The following PTH2R variants were observed in gnomAD, a reference collection of about 807,000 sequenced individuals.
PTH2R encodes the protein parathyroid hormone 2 receptor.
In PTH2R, 59 loss-of-function variants were observed where a neutral mutation model predicts 60.3. That is an observed-to-expected ratio of 0.98 (90% confidence interval 0.79 to 1.22). The LOEUF is 1.22. Ranked by LOEUF, PTH2R falls within the 50% of genes most tolerant of loss-of-function variation. The probability of loss-of-function intolerance (pLI) is 0.00; values close to 1 mark genes in which losing one functional copy is unlikely to be tolerated. For missense variants in PTH2R, 749 were observed against 682.6 expected (o/e 1.10, Z -1.08); for synonymous variants, 256 against 243.8 (o/e 1.05, Z -0.47).
chr2:208,489,053 G>T lies in PTH2R; in HGVS notation c.1118G>T (p.Gly373Val). The T allele has an allele frequency of 6.8e-6, 11 of 1,614,048 alleles. No homozygotes were observed. The highest frequency in any genetic ancestry group is 8.5e-6 in the Non-Finnish European group (10 of 1,179,996). Residue 373 changes from glycine (G) to valine (V), a missense_variant, in exon 11 of 13, where the codon GGA becomes GTA. Gly to Val is a moderately radical substitution (Grantham distance 109, BLOSUM62 -3). Coordinates refer to ENST00000272847, the MANE Select transcript of PTH2R (RefSeq NM_005048.4). The part of the protein sequence containing the change: ...KSTLVLVLVF[G>V]VHYIVFVCLP... The stretch of plus-strand genomic sequence containing the variant: ...ACACTGGTCCTGGTCCTAGTCTTTG[G>T]AGTGCATTACATCGTGTTCGTATGC...
rs749565801 is a variant in PTH2R, at chr2:208,489,060, T to G, written c.1125T>G (p.His375Gln). The stretch of plus-strand genomic sequence containing the variant: ...TCCTGGTCCTAGTCTTTGGAGTGCA[T>G]TACATCGTGTTCGTATGCCTGCCTC... ...TLVLVLVFGV[H>Q]YIVFVCLPHS... Residue 375 changes from histidine to glutamine, a missense_variant, in exon 11 of 13, where the codon CAT becomes CAG. Transcript: ENST00000272847. 1 of 1,614,142 alleles carries G rather than the reference T, an allele frequency of 6.2e-7. No homozygotes were observed.
At chr2:208,382,965 TG>T (rs1259228642) in intron 1 of PTH2R, among the ~76,000 whole-genome samples, 2 of 152,226 alleles carry the variant, frequency 1.3e-5, no homozygotes, top group Non-Finnish European at 2.9e-5. Context: ...TTGGGGGATG[TG>T]GGGGGTCTGA....
At chr2:208,365,358 G>T (rs957328067) in intron 1 of PTH2R, among the ~76,000 whole-genome samples, 6 of 151,766 alleles carry the variant, frequency 4.0e-5, no homozygotes, top group African/African-American at 1.5e-4. Context: ...ACTTTTGAGT[G>T]TTTTTTTTCT....
chr2:208,440,048 G>A (rs947815931), intron 4 of PTH2R, among the ~76,000 whole-genome samples: 1 of 152,148 alleles, frequency 6.6e-6, no homozygotes, highest in African/African-American at 2.4e-5. Context: ...CAATTATTTT[G>A]TCACACAAAA....
intron 1 of PTH2R, among the ~76,000 whole-genome samples, chr2:208,394,508 T>G (rs1701168921): frequency 6.6e-6 from 1 of 152,242 alleles, no homozygotes; most frequent in South Asian, 2.1e-4. Context: ...CACCCATGAC[T>G]GCAGGCATGA....
chr2:208,383,641 T>G (rs1312112343), intron 1 of PTH2R, among the ~76,000 whole-genome samples: 1 of 152,216 alleles, frequency 6.6e-6, no homozygotes, highest in African/African-American at 2.4e-5. Flanking sequence ...TTGTAAATGA[T>G]CCTAGAAAAT....
intron 10 of PTH2R, among the ~76,000 whole-genome samples, chr2:208,487,066 G>A (rs1201990179): frequency 1.3e-5 from 2 of 152,158 alleles, no homozygotes; most frequent in South Asian, 4.1e-4. Context: ...TCTACATTAG[G>A]CATTTCAATA....
intron 1 of PTH2R, among the ~76,000 whole-genome samples, chr2:208,413,663 T>C (rs1429019095): frequency 6.6e-6 from 1 of 152,212 alleles, no homozygotes; most frequent in South Asian, 2.1e-4. Flanking sequence ...ATTCTTGAAG[T>C]TTTCTATGTG....
At chr2:208,424,430 G>A (rs1259230098) in intron 1 of PTH2R, among the ~76,000 whole-genome samples, 1 of 152,120 alleles carries the variant, frequency 6.6e-6, no homozygotes, top group Non-Finnish European at 1.5e-5. Flanking sequence ...AAAATTTCTT[G>A]CGATAGTTCC....
rs763063173 is a variant in PTH2R, at chr2:208,428,316, A to G, written c.178+13A>G. ...CTCCAGGAGGGAGGTAAAGATGCCA[A>G]GAAAATTGGCTCTCCTTGTGCCTCC... On this transcript the variant is annotated intron_variant, in intron 2 of 12. Coordinates refer to ENST00000272847, the MANE Select transcript of PTH2R (RefSeq NM_005048.4). 1.5e-5 allele frequency: 24 copies of G among 1,592,214 alleles called. No individual in the cohort carries two copies. The highest frequency in any genetic ancestry group is 5.1e-5 in the Admixed American group (3 of 59,356).
At chr2:208,384,862 C>T (rs1218286052) in intron 1 of PTH2R, among the ~76,000 whole-genome samples, 1 of 152,154 alleles carries the variant, frequency 6.6e-6, no homozygotes, top group Non-Finnish European at 1.5e-5. Context: ...CTATTCTGGG[C>T]TCTCATCTTT....
At chr2:208,484,405 A>G (rs1173080471) in intron 10 of PTH2R, among the ~76,000 whole-genome samples, 2 of 152,214 alleles carry the variant, frequency 1.3e-5, no homozygotes, top group Admixed American at 1.3e-4. Context: ...GATCCCATAT[A>G]TCCTTTAACC....
chr2:208,450,733 C>G lies in PTH2R; in HGVS notation c.854-16C>G, dbSNP rs780267123. Reference sequence around the variant, plus strand: ...CTTAAAATAAATCTAGTCTCTGAATCATTTTCTGATTTCAGGGTTTCCAGC... The same window carrying G: ...CTTAAAATAAATCTAGTCTCTGAATGATTTTCTGATTTCAGGGTTTCCAGC... On this transcript the variant is annotated splice_polypyrimidine_tract_variant and intron_variant, in intron 7 of 12. Transcript: ENST00000272847. 1 of 1,612,714 alleles carries G rather than the reference C, an allele frequency of 6.2e-7. No individual in the cohort carries two copies. Among genetic ancestry groups the G allele is most frequent in the South Asian group, 1.1e-5 (1 of 91,020 alleles).
chr2:208,372,070 C>G (rs1316041652), intron 1 of PTH2R, among the ~76,000 whole-genome samples: 2 of 151,894 alleles, frequency 1.3e-5, no homozygotes, highest in Non-Finnish European at 2.9e-5. Context: ...TACAGGTGCC[C>G]GCCACTACTC....
chr2:208,420,595 A>G (rs1006233023), intron 1 of PTH2R, among the ~76,000 whole-genome samples: 22 of 152,214 alleles, frequency 1.4e-4, no homozygotes, highest in Non-Finnish European at 1.3e-4. Context: ...ACAATTCCTT[A>G]AAAACTTTAG....
At chr2:208,453,698 G>T (rs980522420) in intron 8 of PTH2R, among the ~76,000 whole-genome samples, 2 of 152,166 alleles carry the variant, frequency 1.3e-5, no homozygotes, top group East Asian at 1.9e-4. Flanking sequence ...TTATAAGGAG[G>T]TGTGGTTTTT....
intron 1 of PTH2R, among the ~76,000 whole-genome samples, chr2:208,368,231 A>G (rs1018183552): frequency 5.3e-5 from 8 of 152,112 alleles, no homozygotes; most frequent in African/African-American, 1.9e-4. Flanking sequence ...TTTTACCTAT[A>G]TTACTGTGAA....
chr2:208,490,785 G>A lies in PTH2R; in HGVS notation c.1257+105G>A, dbSNP rs183506617. Reference sequence around the variant, plus strand: ...TTTCCAGGATTTCCAGGATGGAATGGGTGAGGAGAAGGAAGCTATTTTAAT... The same window carrying A: ...TTTCCAGGATTTCCAGGATGGAATGAGTGAGGAGAAGGAAGCTATTTTAAT... On this transcript the variant is annotated intron_variant, in intron 12 of 12. Transcript: ENST00000272847. 3,314 of 1,077,376 alleles carry A rather than the reference G, an allele frequency of 3.1e-3. 5 individuals are homozygous for A. Among genetic ancestry groups the A allele is most frequent in the Non-Finnish European group, 4.1e-3 (3,116 of 757,134 alleles). 66.7% of individuals were successfully genotyped at this position (1,077,376 alleles called of 1,614,324 possible).
intron 2 of PTH2R, among the ~76,000 whole-genome samples, chr2:208,432,360 C>T (rs950908182): frequency 2.0e-5 from 3 of 152,110 alleles, no homozygotes; most frequent in Admixed American, 6.5e-5. Flanking sequence ...ATAATTTTAA[C>T]AACAGAGGTG....
Sources: allele counts gnomAD v4.1 joint callset (sites outside exome capture counted in the v4.1 genomes callset), GRCh38; gene constraint gnomAD v4.1.1; transcripts MANE v1.5; gene names NCBI Gene and HGNC (gene_info 2026-07-23, HGNC 2026-07-21).